POM121: variants seen among roughly 807,000 people sequenced by gnomAD.
POM121 encodes POM121 transmembrane nucleoporin.
Under a neutral mutation model 81.3 loss-of-function variants are expected in POM121, and 32 were observed. That is an observed-to-expected ratio of 0.39 (90% CI 0.30 to 0.53). The LOEUF is 0.53. Ranked by LOEUF, POM121 falls within the 20% of genes least tolerant of loss-of-function variation. The pLI is 0.66. For synonymous variants in POM121, 514 were observed against 694.2 expected, an observed-to-expected ratio of 0.74 and a Z score of 4.08; for missense variants, 1,138 against 1,614.6, an observed-to-expected ratio of 0.70 and a Z score of 5.06.
intron 3 of POM121, among the ~76,000 whole-genome samples, chr7:72,910,380 C>T (rs770174349): frequency 3.1e-4 from 47 of 152,138 alleles, no homozygotes; most frequent in Non-Finnish European, 4.4e-4. Flanking sequence ...GAAATGTACA[C>T]GACGTTATAT....
At chr7:72,929,014 C>T (rs879991008) in intron 4 of POM121, among the ~76,000 whole-genome samples, 12 of 152,172 alleles carry the variant, frequency 7.9e-5, no homozygotes, top group Non-Finnish European at 1.3e-4. Flanking sequence ...GCTCACTGTC[C>T]GTGGAGCACT....
In POM121 at chr7:72,948,130, G is replaced by C. The variant is rs1399175407; in HGVS notation, c.*1896G>C. The C allele has an allele frequency of 5.7e-6, 8 of 1,406,122 alleles. No homozygotes were observed. The highest frequency in any genetic ancestry group is 1.5e-5 in the African/African-American group (1 of 68,530). 87.1% of individuals were successfully genotyped at this position (1,406,122 alleles called of 1,614,324 possible). A position where few individuals can be genotyped will look rare whatever the true frequency, so the allele number is the denominator to read the frequency against. ...CAGCCGGTCCGGGAACCCTGAGTGAGAATGAGTGTGGATGTGTACAGTACA... is the reference window on the plus strand; with the variant it reads ...CAGCCGGTCCGGGAACCCTGAGTGACAATGAGTGTGGATGTGTACAGTACA... On this transcript the variant is annotated 3_prime_UTR_variant, in exon 13 of 13. Transcript: ENST00000434423.
At chr7:72,934,339 C>T (rs1276670433) in intron 5 of POM121, among the ~76,000 whole-genome samples, 3 of 152,204 alleles carry the variant, frequency 2.0e-5, no homozygotes, top group Admixed American at 6.5e-5. Flanking sequence ...TCCGCCTTGG[C>T]CTCCCGAAGT....
At position 72,926,977 on chromosome 7, in the gene POM121, G is replaced by C; in HGVS notation, c.1022+14G>C. On this transcript the variant is annotated intron_variant, in intron 3 of 12. Transcript: ENST00000434423. Reference sequence around the variant, plus strand: ...AAATAAAAGAAGGTAACAGGCTCAGGAGAGTACTAAGCCGGTTTCGCGCTT... The same window carrying C: ...AAATAAAAGAAGGTAACAGGCTCAGCAGAGTACTAAGCCGGTTTCGCGCTT... 1 of 1,613,996 alleles carries C rather than the reference G, an allele frequency of 6.2e-7. No homozygotes were observed. Among genetic ancestry groups the C allele is most frequent in the Non-Finnish European group, 8.5e-7 (1 of 1,179,870 alleles).
Position 72,925,271 on chromosome 7 carries a change from G to A in POM121, c.150G>A (p.Pro50=). The change falls in exon 1 of 13, where the codon CCG becomes CCA. Residue 50 remains proline (P), a synonymous_variant. Coordinates refer to ENST00000434423, the MANE Select transcript of POM121 (RefSeq NM_001387691.1). ...TTGGCCTCTTACTGTACCTCGTGCC[G>A]GCTGCGGCTGCACTGGCCTGGCTGA... The part of the protein sequence containing the change: ...SLVGLLLYLV[P]AAAALAWLTV... 1 of 1,534,604 alleles carries A rather than the reference G, an allele frequency of 6.5e-7. No individual in the cohort carries two copies. Among genetic ancestry groups the A allele is most frequent in the Non-Finnish European group, 8.7e-7 (1 of 1,146,412 alleles).
At chr7:72,879,656 G>T in exon 1 of POM121, 1 of 373,784 alleles carries the variant, frequency 2.7e-6, no homozygotes, top group South Asian at 1.9e-5. Context: ...GTCCTCGGCG[G>T]CCTGGCGCCG....
intron 1 of POM121, among the ~76,000 whole-genome samples, chr7:72,883,246 C>A (rs1790343855): frequency 6.6e-6 from 1 of 152,172 alleles, no homozygotes; most frequent in Non-Finnish European, 1.5e-5. Context: ...TTCACCGTGT[C>A]ATGCATGTCG....
At chr7:72,927,378 A>G (rs1304460147) in intron 3 of POM121, among the ~76,000 whole-genome samples, 2 of 152,198 alleles carry the variant, frequency 1.3e-5, no homozygotes, top group East Asian at 3.9e-4. Flanking sequence ...AGAAAAATGA[A>G]AACTAGAGTT....
intron 3 of POM121, among the ~76,000 whole-genome samples, chr7:72,899,509 A>G (rs1554492282): frequency 6.6e-6 from 1 of 151,942 alleles, no homozygotes; most frequent in Non-Finnish European, 1.5e-5. Context: ...GTTCCAGATC[A>G]TGATTTCTCT....
intron 3 of POM121, among the ~76,000 whole-genome samples, chr7:72,897,261 G>A (rs1388724623): frequency 1.4e-4 from 22 of 152,206 alleles, no homozygotes; most frequent in South Asian, 4.1e-4. Flanking sequence ...TTATAAGGTG[G>A]TTGAGAAAGG....
At chr7:72,911,351 C>T (rs1793784523) in intron 3 of POM121, among the ~76,000 whole-genome samples, 2 of 152,210 alleles carry the variant, frequency 1.3e-5, no homozygotes, top group African/African-American at 4.8e-5. Context: ...GTGCTTATTC[C>T]ATCTCCTATG....
chr7:72,949,349 G>A (rs782120889), downstream of POM121: 6 of 806,566 alleles, frequency 7.4e-6, no homozygotes, highest in Admixed American at 8.5e-5. Flanking sequence ...AGGACATAGT[G>A]GACCTCACGA....
downstream of POM121, chr7:72,948,603 G>C (rs1317790214): frequency 6.2e-7 from 1 of 1,607,668 alleles, no homozygotes; most frequent in African/African-American, 1.3e-5. Context: ...CTGAGCTAGA[G>C]AAATGTAGAT....
chr7:72,881,032 C>T (rs1554489202), intron 1 of POM121, among the ~76,000 whole-genome samples: 1 of 84,710 alleles, frequency 1.2e-5, no homozygotes, highest in South Asian at 5.4e-4. Context: ...ACCTGATTAT[C>T]TTAGAGTTAC....
chr7:72,899,610 G>A (rs1394425469), intron 3 of POM121, among the ~76,000 whole-genome samples: 5 of 133,204 alleles, frequency 3.8e-5, no homozygotes, highest in South Asian at 4.6e-4. Context: ...ACAGAATCTC[G>A]CTCTGTCGCC....
intron 1 of POM121, among the ~76,000 whole-genome samples, chr7:72,888,527 G>C (rs1331202351): frequency 1.3e-5 from 2 of 151,966 alleles, no homozygotes; most frequent in Admixed American, 6.6e-5. Context: ...CTTTTTCTTA[G>C]TTATATTCCT....
In POM121 at chr7:72,881,178, C is replaced by T. The variant is rs534064611; in HGVS notation, c.-521+1293C>T. Among the ~76,000 whole-genome samples, 4 of 151,492 alleles carry T rather than the reference C, an allele frequency of 2.6e-5. No individual in the cohort carries two copies. The East Asian group carries it at 7.8e-4, about 29-fold the overall frequency. ...CTCCCAGGTTCAAAGGATTCTTGTG[C>T]CTCAGCCTCCTGAGTAGCTGGGACT... On this transcript the variant is annotated intron_variant, in intron 1 of 15. Transcript: ENST00000395270.
chr7:72,892,193 T>C (rs1268646278), intron 3 of POM121, among the ~76,000 whole-genome samples: 2 of 152,246 alleles, frequency 1.3e-5, no homozygotes, highest in Non-Finnish European at 2.9e-5. Context: ...GTAAAAGAGT[T>C]TATCTAATCT....
chr7:72,940,752 C>G (rs1796981727), intron 9 of POM121, 65 bp from the exon 10 acceptor site: 1 of 1,372,828 alleles, frequency 7.3e-7, no homozygotes, highest in Middle Eastern at 2.6e-4. Context: ...AGCCTGCTCT[C>G]CGACAGGCAT....
Sources: gnomAD v4.1 joint callset for allele counts (sites outside exome capture counted in the v4.1 genomes callset) on GRCh38, gnomAD v4.1.1 for gene constraint, MANE v1.5 for transcripts, NCBI Gene and HGNC (gene_info 2026-07-23, HGNC 2026-07-21) for gene names.